Variants in TMPRSS15 observed in about 807,000 individuals in gnomAD.
The protein encoded by TMPRSS15 is transmembrane serine protease 15.
Under a neutral mutation model 125.3 loss-of-function variants are expected in TMPRSS15, and 128 were observed. That is an observed-to-expected ratio of 1.02 (90% CI 0.89 to 1.18). The LOEUF is 1.18. Ranked by LOEUF, TMPRSS15 falls within the 50% of genes most tolerant of loss-of-function variation. The pLI is 0.00. For missense variants in TMPRSS15, 1,283 were observed against 1,212.7 expected (o/e 1.06, Z -0.86); for synonymous variants, 446 against 423.2 (o/e 1.05, Z -0.66).
intron 8 of TMPRSS15, 102 bp from the exon 9 acceptor site, chr21:18,353,965 C>A: frequency 9.0e-7 from 1 of 1,108,994 alleles, no homozygotes; most frequent in Non-Finnish European, 1.4e-6. Flanking sequence ...GTCAGTTGAT[C>A]TATACAAATA....
intron 1 of TMPRSS15, among the ~76,000 whole-genome samples, chr21:18,425,870 C>G (rs1322352598): frequency 1.3e-5 from 2 of 152,002 alleles, no homozygotes; most frequent in Non-Finnish European, 2.9e-5. Flanking sequence ...CCCTTAATAA[C>G]CTAAATGCGA....
intron 1 of TMPRSS15, among the ~76,000 whole-genome samples, chr21:18,420,058 T>C (rs2076188903): frequency 6.6e-6 from 1 of 152,186 alleles, no homozygotes; most frequent in Non-Finnish European, 1.5e-5. Context: ...GCCTGAGTGA[T>C]ATGGTAATTT....
intron 18 of TMPRSS15, among the ~76,000 whole-genome samples, chr21:18,305,687 A>C (rs1297387963): frequency 6.6e-6 from 1 of 152,126 alleles, no homozygotes; most frequent in Non-Finnish European, 1.5e-5. Flanking sequence ...TGGTACACCT[A>C]TTGTCACTCC....
At chr21:18,341,860 AT>A (rs1178090959) in intron 12 of TMPRSS15, among the ~76,000 whole-genome samples, 6 of 152,134 alleles carry the variant, frequency 3.9e-5, no homozygotes, top group Non-Finnish European at 7.3e-5. Flanking sequence ...GTCATATTCC[AT>A]TGTACTCTGT....
intron 1 of TMPRSS15, among the ~76,000 whole-genome samples, chr21:18,417,207 A>G (rs539566874): frequency 1.3e-5 from 2 of 152,192 alleles, no homozygotes; most frequent in East Asian, 1.9e-4. Flanking sequence ...TAAATTGTCT[A>G]TTACCTTTTC....
At chr21:18,468,651 C>A (rs897634718) in intron 1 of TMPRSS15, among the ~76,000 whole-genome samples, 7 of 152,188 alleles carry the variant, frequency 4.6e-5, no homozygotes, top group African/African-American at 1.4e-4. Context: ...GAGAAATGAA[C>A]CACAGCTTCA....
At chr21:18,322,639 T>A (rs535003892) in intron 16 of TMPRSS15, among the ~76,000 whole-genome samples, 1 of 152,298 alleles carries the variant, frequency 6.6e-6, no homozygotes, top group East Asian at 1.9e-4. Flanking sequence ...AGGACAAATG[T>A]TGCATGTTCT....
chr21:18,457,444 T>G (rs1267551070), intron 1 of TMPRSS15, among the ~76,000 whole-genome samples: 1 of 152,108 alleles, frequency 6.6e-6, no homozygotes, highest in East Asian at 1.9e-4. Context: ...GAATGGGTGC[T>G]GATGGGGACT....
intron 1 of TMPRSS15, among the ~76,000 whole-genome samples, chr21:18,452,178 G>C (rs8130386): frequency 6.6e-6 from 1 of 151,958 alleles, no homozygotes; most frequent in Non-Finnish European, 1.5e-5. Context: ...ATAGAGGTTG[G>C]ATATGTTAGT....
At chr21:18,288,401 T>C (rs191701993) in intron 21 of TMPRSS15, among the ~76,000 whole-genome samples, 181 of 152,148 alleles carry the variant, frequency 1.2e-3, no homozygotes, top group Non-Finnish European at 2.1e-3. Flanking sequence ...AGGTGATGGA[T>C]ACCCTAAAAG....
chr21:18,403,461 A>C lies in TMPRSS15; in HGVS notation c.145+17T>G, dbSNP rs753823632. On this transcript the variant is annotated intron_variant, in intron 1 of 24. Transcript: ENST00000284885. ...TCAGCTGAGAGCACCTTCACGAGCCAACTCCATGTGACTTACCTCGTTGGG... is the reference window on the plus strand; with the variant it reads ...TCAGCTGAGAGCACCTTCACGAGCCCACTCCATGTGACTTACCTCGTTGGG... The C allele has an allele frequency of 2.5e-5, 40 of 1,614,048 alleles. No homozygotes were observed. Among genetic ancestry groups the C allele is most frequent in the Admixed American group, 1.5e-4 (9 of 60,004 alleles).
At chr21:18,365,045 C>A in intron 7 of TMPRSS15, 95 bp downstream of exon 7, 1 of 1,049,326 alleles carries the variant, frequency 9.5e-7, no homozygotes, top group Non-Finnish European at 1.5e-6. Flanking sequence ...TTAATGAAAA[C>A]AATGATTCTT....
intron 21 of TMPRSS15, among the ~76,000 whole-genome samples, chr21:18,281,932 C>T (rs1182511270): frequency 2.0e-5 from 3 of 151,668 alleles, no homozygotes; most frequent in Non-Finnish European, 4.4e-5. Context: ...CCCGTCTCTA[C>T]TAAAAATACA....
intron 1 of TMPRSS15, among the ~76,000 whole-genome samples, chr21:18,422,584 C>T (rs368058575): frequency 1.1e-4 from 16 of 152,196 alleles, no homozygotes; most frequent in African/African-American, 3.6e-4. Context: ...CACGATAACC[C>T]TATGATGTTA....
intron 10 of TMPRSS15, among the ~76,000 whole-genome samples, chr21:18,352,408 T>G (rs1237426785): frequency 2.0e-5 from 3 of 152,126 alleles, no homozygotes; most frequent in Non-Finnish European, 4.4e-5. Context: ...TTATGCAATC[T>G]TGTATGTTGA....
intron 24 of TMPRSS15, among the ~76,000 whole-genome samples, chr21:18,273,371 T>A (rs541170050): frequency 1.3e-5 from 2 of 152,314 alleles, no homozygotes; most frequent in Admixed American, 1.3e-4. Context: ...AATCAGTTAA[T>A]CCTGTTATAA....
chr21:18,302,531 G>C (rs761033355), intron 18 of TMPRSS15, among the ~76,000 whole-genome samples: 6 of 152,196 alleles, frequency 3.9e-5, no homozygotes, highest in Non-Finnish European at 8.8e-5. Context: ...AAACAGGTAA[G>C]TTTAATTAAT....
At chr21:18,459,814 A>T (rs930836062) in intron 1 of TMPRSS15, among the ~76,000 whole-genome samples, 47 of 152,286 alleles carry the variant, frequency 3.1e-4, no homozygotes, top group African/African-American at 8.9e-4. Context: ...CTTCTCTGCG[A>T]ACATGATACA....
At chr21:18,341,851 TC>T (rs2075449667) in intron 12 of TMPRSS15, among the ~76,000 whole-genome samples, 1 of 152,210 alleles carries the variant, frequency 6.6e-6, no homozygotes, top group South Asian at 2.1e-4. Context: ...TATGATATTG[TC>T]ATATTCCATT....
Sources: allele counts gnomAD v4.1 joint callset (sites outside exome capture counted in the v4.1 genomes callset), GRCh38; gene constraint gnomAD v4.1.1; transcripts MANE v1.5; gene names NCBI Gene and HGNC (gene_info 2026-07-23, HGNC 2026-07-21).